ERN1: variants seen among roughly 807,000 people sequenced by gnomAD.
ERN1 encodes serine/threonine-protein kinase/endoribonuclease IRE1.
ERN1 carries 39 observed loss-of-function variants against 113.1 expected under a neutral mutation model. The observed-to-expected ratio is 0.34, with a 90% confidence interval of 0.27 to 0.45. The LOEUF is 0.45. ERN1 is among the 20% of genes least tolerant of loss of function. The probability of loss-of-function intolerance (pLI) is 1.00; values close to 1 mark genes in which losing one functional copy is unlikely to be tolerated. For missense variants in ERN1, 976 were observed against 1,274.8 expected (o/e 0.77, Z 3.57); for synonymous variants, 507 against 515.9 (o/e 0.98, Z 0.23).
Position 64,044,043 on chromosome 17 carries a change from T to C in ERN1, c.2879A>G (p.Tyr960Cys), listed in dbSNP as rs1455696819. 6.2e-7 allele frequency: 1 copy of C among 1,613,244 alleles called. No homozygotes were observed. The highest frequency in any genetic ancestry group is 8.5e-7 in the Non-Finnish European group (1 of 1,179,690). Reference sequence around the variant, plus strand: ...GGGCTCTGGGGGCTCGTGGAAGTAGTAGGGCTGGAAGAGTCTCTCGTGGCT... The same window carrying C: ...GGGCTCTGGGGGCTCGTGGAAGTAGCAGGGCTGGAAGAGTCTCTCGTGGCT... The part of the protein sequence containing the change: ...LCSHERLFQP[Y>C]YFHEPPEPQP... Residue 960 changes from tyrosine (Y) to cysteine (C), a missense_variant, in exon 22 of 22, where the codon TAC becomes TGC. Physicochemically the swap from Tyr to Cys is radical, Grantham distance 194. Coordinates refer to ENST00000433197, the MANE Select transcript of ERN1 (RefSeq NM_001433.5). The surrounding 1 kb of genome is among the most constrained non-coding windows in gnomAD (Gnocchi z 4.1).
intron 11 of ERN1, 110 bp from the exon 12 acceptor site, chr17:64,058,103 G>A (rs1049364731): frequency 4.7e-6 from 4 of 847,632 alleles, no homozygotes; most frequent in Non-Finnish European, 5.3e-6. Context: ...CTGTACTGCA[G>A]GGGGTTTTAT....
intron 2 of ERN1, among the ~76,000 whole-genome samples, chr17:64,094,164 G>A (rs878935137): frequency 1.1e-4 from 17 of 152,172 alleles, no homozygotes; most frequent in Admixed American, 1.1e-3. Context: ...TTCTTGGAAC[G>A]TAACTACTGT....
chr17:64,041,807 A>T lies in ERN1; in HGVS notation c.*2181T>A, dbSNP rs1912346599. On this transcript the variant is annotated 3_prime_UTR_variant, in exon 22 of 22. Coordinates refer to ENST00000433197, the MANE Select transcript of ERN1 (RefSeq NM_001433.5). ...CATCGCTGTATCTCCGGCACCCTAT[A>T]TCCTGCCTAGCTCAATACACTAAGT... is the stretch of plus-strand genomic sequence containing the variant. 6.6e-6 allele frequency: 1 copy of T among 152,250 alleles called. No homozygotes were observed. The highest frequency in any genetic ancestry group is 1.5e-5 in the Non-Finnish European group (1 of 68,048). 9.4% of individuals were successfully genotyped at this position (152,250 alleles called of 1,614,324 possible). A position where few individuals can be genotyped will look rare whatever the true frequency, so the allele number is the denominator to read the frequency against.
At chr17:64,056,076 G>C in intron 12 of ERN1, 128 bp from the exon 13 acceptor site, 1 of 1,396,250 alleles carries the variant, frequency 7.2e-7, no homozygotes, top group African/African-American at 1.5e-5. Context: ...GGCACAAAGA[G>C]ACCAGTGAGA....
chr17:64,109,748 CACAG>C (rs1914624769), intron 1 of ERN1, among the ~76,000 whole-genome samples: 1 of 152,214 alleles, frequency 6.6e-6, no homozygotes, highest in Non-Finnish European at 1.5e-5. Flanking sequence ...CCCAGGGCAC[CACAG>C]ACAGTTAACC....
At chr17:64,092,861 A>ACTCCC in intron 2 of ERN1, among the ~76,000 whole-genome samples, 1 of 152,338 alleles carries the variant, frequency 6.6e-6, no homozygotes, top group African/African-American at 2.4e-5. Context: ...CAACATTCTC[A>ACTCCC]GTTTGCATTT....
At chr17:64,077,895 G>T (rs1229628558) in intron 4 of ERN1, among the ~76,000 whole-genome samples, 1 of 152,022 alleles carries the variant, frequency 6.6e-6, no homozygotes, top group East Asian at 1.9e-4. Context: ...ATAGGCGCCC[G>T]CCACCGCACC....
rs568057062 is a variant in ERN1, at chr17:64,076,294, G to T, written c.283-1047C>A. Among the ~76,000 whole-genome samples, 337 of 152,310 alleles carry T rather than the reference G, an allele frequency of 2.2e-3. 1 individual carries two copies. The highest frequency in any genetic ancestry group is 4.0e-3 in the Non-Finnish European group (274 of 68,018). On this transcript the variant is annotated intron_variant, in intron 4 of 21. Coordinates refer to ENST00000433197, the MANE Select transcript of ERN1 (RefSeq NM_001433.5). ...TCACCTTTTTCTCCAAGAAAGAAAA[G>T]ATTTCTCTCTAGCTTTAATAAGCAG...
chr17:64,121,329 G>C (rs368326038), intron 1 of ERN1, among the ~76,000 whole-genome samples: 8 of 152,366 alleles, frequency 5.3e-5, no homozygotes, highest in African/African-American at 1.9e-4. Flanking sequence ...GACTGAGCTA[G>C]AGAAGAGCGG....
Position 64,039,578 on chromosome 17 carries a change from C to A in ERN1, c.*4410G>T, listed in dbSNP as rs552410932. 1.3e-5 allele frequency: 2 copies of A among 152,304 alleles called. No homozygotes were observed. The highest frequency in any genetic ancestry group is 4.1e-4 in the South Asian group (2 of 4,828). The allele number at this position is 152,304 out of a possible 1,614,324, so 9.4% of individuals were successfully genotyped here. A position where few individuals can be genotyped will look rare whatever the true frequency, so the allele number is the denominator to read the frequency against. On this transcript the variant is annotated 3_prime_UTR_variant, in exon 22 of 22. Transcript: ENST00000433197. ...GTCAAGGGTGTTGTCCAAAACAAAT[C>A]TGATGTGCTTTAAGCAAGTACAATT...
chr17:64,120,123 A>C (rs1466699611), intron 1 of ERN1, among the ~76,000 whole-genome samples: 2 of 151,984 alleles, frequency 1.3e-5, no homozygotes, highest in Non-Finnish European at 2.9e-5. Context: ...AATTTCATTC[A>C]CATAGGATGG....
chr17:64,112,563 A>T (rs1170463111), intron 1 of ERN1, among the ~76,000 whole-genome samples: 3 of 152,180 alleles, frequency 2.0e-5, no homozygotes, highest in Non-Finnish European at 2.9e-5. Flanking sequence ...TGTGGTTGTT[A>T]AAAAGGTAGA....
At chr17:64,075,367 G>A (rs1201139492) in intron 4 of ERN1, 120 bp from the exon 5 acceptor site, 35 of 829,276 alleles carry the variant, frequency 4.2e-5, no homozygotes, top group Non-Finnish European at 6.4e-5. Flanking sequence ...GCACTTTGCA[G>A]ATGAGAGTTT....
intron 1 of ERN1, among the ~76,000 whole-genome samples, chr17:64,122,762 G>A (rs1259726592): frequency 6.6e-6 from 1 of 152,194 alleles, no homozygotes; most frequent in African/African-American, 2.4e-5. Flanking sequence ...GTTTTAACTT[G>A]TATAAGGATA....
At position 64,052,719 on chromosome 17, in the gene ERN1, A is replaced by C. The variant is rs1424330736; in HGVS notation, c.2253+61T>G. On this transcript the variant is annotated intron_variant, in intron 17 of 21. Coordinates refer to ENST00000433197, the MANE Select transcript of ERN1 (RefSeq NM_001433.5). Reference sequence around the variant, plus strand: ...CCCAAACCTGGAATTTAAAGGTTCTACTCCTGAAGATACAATGGGCTGGTT... The same window carrying C: ...CCCAAACCTGGAATTTAAAGGTTCTCCTCCTGAAGATACAATGGGCTGGTT... 4.0e-6 allele frequency: 6 copies of C among 1,492,450 alleles called. No homozygotes were observed. In the African/African-American group the frequency reaches 6.9e-5, roughly 17 times the overall value. 92.5% of individuals were successfully genotyped at this position (1,492,450 alleles called of 1,614,324 possible).
chr17:64,094,697 C>G (rs1241846305), intron 2 of ERN1, among the ~76,000 whole-genome samples: 1 of 151,764 alleles, frequency 6.6e-6, no homozygotes, highest in African/African-American at 2.4e-5. Flanking sequence ...ACTCCCTTGC[C>G]TCCTTGAGCT....
At position 64,130,073 on chromosome 17, in the gene ERN1, A is replaced by ACGGGGCGGGGGCGCCGCGACGACAG; in HGVS notation, c.-69_-45dup. On this transcript the variant is annotated 5_prime_UTR_variant, in exon 1 of 22. Coordinates refer to ENST00000433197, the MANE Select transcript of ERN1 (RefSeq NM_001433.5). This position sits in a 1 kb window ranked among gnomAD's most constrained non-coding sequence, Gnocchi z 4.0. Reference sequence around the variant, plus strand: ...GCTCCGGGGGCGGTACGGACAGAGGACGGGGCGGGGGCGCCGCGACGACAG... The same window carrying ACGGGGCGGGGGCGCCGCGACGACAG: ...GCTCCGGGGGCGGTACGGACAGAGGACGGGGCGGGGGCGCCGCGACGACAGCGGGGCGGGGGCGCCGCGACGACAG... 7 of 1,348,838 alleles carry ACGGGGCGGGGGCGCCGCGACGACAG rather than the reference A, an allele frequency of 5.2e-6. No individual in the cohort carries two copies. Among genetic ancestry groups the ACGGGGCGGGGGCGCCGCGACGACAG allele is most frequent in the Non-Finnish European group, 6.6e-6 (7 of 1,055,412 alleles). The allele number at this position is 1,348,838 out of a possible 1,614,324, so 83.6% of individuals were successfully genotyped here.
intron 1 of ERN1, among the ~76,000 whole-genome samples, chr17:64,107,261 G>C (rs1333544331): frequency 1.3e-5 from 2 of 152,180 alleles, no homozygotes; most frequent in Non-Finnish European, 2.9e-5. Flanking sequence ...CGCTCACAAA[G>C]GACTATCTTT....
intron 2 of ERN1, among the ~76,000 whole-genome samples, chr17:64,092,019 G>A (rs1376835806): frequency 6.6e-6 from 1 of 152,138 alleles, no homozygotes; most frequent in African/African-American, 2.4e-5. Context: ...CAGCAGGCAG[G>A]GGTACAGCTA....
Sources: gnomAD v4.1 joint callset for allele counts (sites outside exome capture counted in the v4.1 genomes callset) on GRCh38, gnomAD v4.1.1 for gene constraint, Gnocchi (gnomAD v3.1) non-coding constraint, MANE v1.5 for transcripts, NCBI Gene and HGNC (gene_info 2026-07-23, HGNC 2026-07-21) for gene names.